The following TMED7 variants were observed in gnomAD, a reference collection of about 807,000 sequenced individuals.
The protein encoded by TMED7 is transmembrane emp24 domain-containing protein 7.
A neutral mutation model predicts 23.4 loss-of-function variants in TMED7; 8 were observed. The ratio of observed to expected loss-of-function variants is 0.34; its 90% confidence interval spans 0.20 to 0.62. The LOEUF is 0.62. TMED7 is among the 20% of genes least tolerant of loss of function. The probability of loss-of-function intolerance (pLI) is 0.77; values close to 1 mark genes in which losing one functional copy is unlikely to be tolerated. For synonymous variants in TMED7, 121 were observed against 108.5 expected (o/e 1.12, Z -0.72); for missense variants, 232 against 279.1 (o/e 0.83, Z 1.20).
chr5:115,619,638 TTA>T (rs1382882248), intron 2 of TMED7, among the ~76,000 whole-genome samples: 2 of 152,122 alleles, frequency 1.3e-5, no homozygotes, highest in Non-Finnish European at 2.9e-5. Flanking sequence ...TGAAATTCAT[TTA>T]TGTTTCATAT....
chr5:115,616,562 C>G (rs1198852080), intron 2 of TMED7, 117 bp from the exon 3 acceptor site: 6 of 1,446,954 alleles, frequency 4.1e-6, no homozygotes, highest in Non-Finnish European at 4.7e-6. Flanking sequence ...TGCTACTAAT[C>G]TGGCATTCAT....
Position 115,613,289 on chromosome 5 carries a change from C to A in TMED7, c.*2920G>T, listed in dbSNP as rs532939462. Among the ~76,000 whole-genome samples the A allele has an allele frequency of 1.3e-5, 2 of 152,148 alleles. No homozygotes were observed. The highest frequency in any genetic ancestry group is 1.5e-5 in the Non-Finnish European group (1 of 68,008). ...TGATGATTTAACTGCTTTTCACCTA[C>A]ACAAACTTTCAGTAAGGAATGCAAA... is the stretch of plus-strand genomic sequence containing the variant. On this transcript the variant is annotated 3_prime_UTR_variant, in exon 3 of 3. Coordinates refer to ENST00000456936, the MANE Select transcript of TMED7 (RefSeq NM_181836.6).
At chr5:115,625,466 C>T in intron 1 of TMED7, 135 bp downstream of exon 1, 2 of 1,025,410 alleles carry the variant, frequency 2.0e-6, no homozygotes, top group Non-Finnish European at 2.6e-6. Context: ...AAATGCTGGG[C>T]ATCAGCTACC....
chr5:115,620,268 CAA>C (rs1268912417), intron 2 of TMED7, 165 bp downstream of exon 2: 1 of 958,982 alleles, frequency 1.0e-6, no homozygotes, highest in Non-Finnish European at 1.4e-6. Context: ...TTTTTCACTA[CAA>C]AAGTCTGAAG....
Position 115,616,381 on chromosome 5 carries a change from A to G in TMED7, c.503T>C (p.Phe168Ser). 6.2e-7 allele frequency: 1 copy of G among 1,614,196 alleles called. No homozygotes were observed. Among genetic ancestry groups the G allele is most frequent in the Non-Finnish European group, 8.5e-7 (1 of 1,180,022 alleles). Reference protein sequence around the residue: ...LKSVIDYQTHFRLREAQGRSR... With the variant: ...LKSVIDYQTHSRLREAQGRSR... The stretch of plus-strand genomic sequence containing the variant: ...TCGGCCTTGAGCTTCTCTTAAACGG[A>G]AATGAGTCTGATAATCGATGACAGA... The change falls in exon 3 of 3, where the codon TTC becomes TCC. Residue 168 changes from phenylalanine (F) to serine (S), a missense_variant. By Grantham distance (155) the Phe-to-Ser change is radical. Around this residue, in one of 2 missense-constraint regions of TMED7, gnomAD observed 126 missense variants for 182.1 expected, o/e 0.69. Coordinates refer to ENST00000456936, the MANE Select transcript of TMED7 (RefSeq NM_181836.6).
At chr5:115,625,277 G>A (rs1189870655) in intron 1 of TMED7, among the ~76,000 whole-genome samples, 1 of 152,192 alleles carries the variant, frequency 6.6e-6, no homozygotes, top group Non-Finnish European at 1.5e-5. Context: ...AGAGTAGAGG[G>A]TTGACACTGG....
At chr5:115,621,149 T>A (rs1490869189) in intron 1 of TMED7, among the ~76,000 whole-genome samples, 6 of 152,206 alleles carry the variant, frequency 3.9e-5, no homozygotes, top group African/African-American at 1.2e-4. Context: ...CCTATTAGCA[T>A]CATCCAAGCA....
In TMED7 at chr5:115,625,595, T is replaced by G; in HGVS notation, c.192+6A>C. The G allele has an allele frequency of 2.5e-6, 4 of 1,575,532 alleles. No individual in the cohort carries two copies. Among genetic ancestry groups the G allele is most frequent in the Non-Finnish European group, 2.6e-6 (3 of 1,160,634 alleles). On this transcript the variant is annotated splice_donor_region_variant and intron_variant, in intron 1 of 2. Coordinates refer to ENST00000456936, the MANE Select transcript of TMED7 (RefSeq NM_181836.6). ...TGGGGCCCAGGGACTGCTAGGCCCCTGATACCTGGAACTCCAGGGTGCACT... is the reference window on the plus strand; with the variant it reads ...TGGGGCCCAGGGACTGCTAGGCCCCGGATACCTGGAACTCCAGGGTGCACT...
intron 1 of TMED7, among the ~76,000 whole-genome samples, chr5:115,623,247 C>A (rs1210979446): frequency 1.3e-5 from 2 of 152,222 alleles, no homozygotes; most frequent in African/African-American, 2.4e-5. Flanking sequence ...TGGAACCACC[C>A]AAGTGTGCAA....
Position 115,620,455 on chromosome 5 carries a change from G to A in TMED7, c.418C>T (p.Arg140Ter), listed in dbSNP as rs1756989079. The A allele has an allele frequency of 2.6e-6, 4 of 1,541,714 alleles. No individual in the cohort carries two copies. The highest frequency in any genetic ancestry group is 1.7e-4 in the Middle Eastern group (1 of 5,806). The change falls in exon 2 of 3, where the codon CGA becomes TGA. Residue 140 changes from arginine (R) to a stop codon, truncating the protein, a stop_gained. Transcript: ENST00000456936. LOFTEE classifies it high-confidence loss of function. ...EDPPLFPSEN[R>*]VSALTQMESA... is the part of the protein sequence containing the mutation. ...TTTACCTGGGTAAGAGCACTGACTCGGTTCTCACTAGGAAACAAAGGTGGG... is the reference window on the plus strand; with the variant it reads ...TTTACCTGGGTAAGAGCACTGACTCAGTTCTCACTAGGAAACAAAGGTGGG...
At chr5:115,617,005 T>C (rs1200351708) in intron 2 of TMED7, among the ~76,000 whole-genome samples, 1 of 152,268 alleles carries the variant, frequency 6.6e-6, no homozygotes. Context: ...TTTGTTTTTT[T>C]ACATTTATCT....
At position 115,616,153 on chromosome 5, in the gene TMED7, T is replaced by G. The variant is rs1212660433; in HGVS notation, c.*56A>C. 5 of 1,538,000 alleles carry G rather than the reference T, an allele frequency of 3.3e-6. No individual in the cohort carries two copies. Among genetic ancestry groups the G allele is most frequent in the Non-Finnish European group, 4.5e-6 (5 of 1,116,372 alleles). ...TATTAAGTTCTTCAGTACCTAAAATTAATTAGAGGACAGCAATATTACAGT... is the reference window on the plus strand; with the variant it reads ...TATTAAGTTCTTCAGTACCTAAAATGAATTAGAGGACAGCAATATTACAGT... On this transcript the variant is annotated 3_prime_UTR_variant, in exon 3 of 3. Transcript: ENST00000456936.
Position 115,625,695 on chromosome 5 carries a change from C to A in TMED7, c.98G>T (p.Gly33Val), listed in dbSNP as rs201072943. Residue 33 changes from glycine to valine, a missense_variant, in exon 1 of 3, where the codon GGC becomes GTC. By Grantham distance (109) the Gly-to-Val change is moderately radical. This residue lies in a region of TMED7 where 106 missense variants were observed against 97.0 expected (regional missense o/e 1.09). Coordinates refer to ENST00000456936, the MANE Select transcript of TMED7 (RefSeq NM_181836.6). Reference sequence around the variant, plus strand: ...AAGCTCGAAGGTGATCTCAGAGGCGCCGCCGGGTCCAGGCACCAGTAGCAG... The same window carrying A: ...AAGCTCGAAGGTGATCTCAGAGGCGACGCCGGGTCCAGGCACCAGTAGCAG... ...ALLLLVPGPG[G>V]ASEITFELPD... 43 of 1,603,262 alleles carry A rather than the reference C, an allele frequency of 2.7e-5. No individual in the cohort carries two copies. In the East Asian group the frequency reaches 8.0e-4, roughly 30 times the overall value.
intron 1 of TMED7, among the ~76,000 whole-genome samples, chr5:115,621,269 T>C (rs1044270700): frequency 6.6e-6 from 1 of 152,196 alleles, no homozygotes; most frequent in East Asian, 1.9e-4. Flanking sequence ...TAGATTACAT[T>C]TATTAAGTTC....
chr5:115,620,277 G>GA, intron 2 of TMED7, 158 bp downstream of exon 2: 1 of 1,031,980 alleles, frequency 9.7e-7, no homozygotes, highest in Non-Finnish European at 1.3e-6. Context: ...ACAAAAGTCT[G>GA]AAGTTCTCTG....
intron 1 of TMED7, among the ~76,000 whole-genome samples, chr5:115,620,905 A>G (rs941390911): frequency 6.6e-6 from 1 of 152,180 alleles, no homozygotes; most frequent in African/African-American, 2.4e-5. Context: ...TAGCCAGACA[A>G]CTGTGCTAAT....
At chr5:115,618,842 C>A (rs1756902602) in intron 2 of TMED7, among the ~76,000 whole-genome samples, 1 of 152,132 alleles carries the variant, frequency 6.6e-6, no homozygotes, top group Admixed American at 6.5e-5. Context: ...CTAAATCCAT[C>A]ATTTTATCAA....
rs145840981 is a variant in TMED7 at position 115,623,190 on chromosome 5, G to C, written c.192+2411C>G. Among the ~76,000 whole-genome samples, 113 of 152,276 alleles carry C rather than the reference G, an allele frequency of 7.4e-4. 1 individual carries two copies. Among genetic ancestry groups the C allele is most frequent in the African/African-American group, 2.6e-3 (109 of 41,542 alleles). On this transcript the variant is annotated intron_variant, in intron 1 of 2. Coordinates refer to ENST00000456936, the MANE Select transcript of TMED7 (RefSeq NM_181836.6). ...GAAAAGGTCAGGTGTGGGCTCCTTC[G>C]GCTTCCCTTTGTTAGGTGTGTGGCC... is the stretch of plus-strand genomic sequence containing the variant.
intron 1 of TMED7, among the ~76,000 whole-genome samples, chr5:115,625,040 G>C (rs1003309662): frequency 3.9e-5 from 6 of 152,214 alleles, no homozygotes; most frequent in Non-Finnish European, 8.8e-5. Context: ...ACCACATTCT[G>C]TTAAAGTTTC....
Sources: allele counts gnomAD v4.1 joint callset (sites outside exome capture counted in the v4.1 genomes callset), GRCh38; gene constraint gnomAD v4.1.1; regional missense constraint gnomAD v4.1.1; transcripts MANE v1.5; gene names NCBI Gene and HGNC (gene_info 2026-07-23, HGNC 2026-07-21).